Variants in FGD4 observed in about 807,000 individuals in gnomAD.
FGD4 encodes the protein FYVE, RhoGEF and PH domain containing 4, also known as FYVE, RhoGEF and PH domain-containing protein 4.
In FGD4, 42 loss-of-function variants were observed where a neutral mutation model predicts 102.0. The observed-to-expected ratio is 0.41, with a 90% CI of 0.32 to 0.53. The LOEUF (loss-of-function observed/expected upper bound fraction) is 0.53, where lower values mean the gene tolerates loss of function less well. FGD4 is among the 20% of genes least tolerant of loss of function. FGD4 has a pLI of 0.21. For synonymous variants in FGD4, 380 were observed against 375.7 expected (o/e 1.01, Z -0.13); for missense variants, 902 against 1,078.2 (o/e 0.84, Z 2.29).
chr12:32,535,506 C>G (rs1462334661), intron 1 of FGD4, among the ~76,000 whole-genome samples: 15 of 152,148 alleles, frequency 9.9e-5, no homozygotes, highest in Admixed American at 2.6e-4. Context: ...CAGCCCAGTC[C>G]ATGCCTGCCC....
At position 32,544,379 on chromosome 12, in the gene FGD4, G is replaced by A. The variant is rs1592165901; in HGVS notation, c.167-19758G>A. ...TGGGAGGGAGAGGTTGCAGTGAGCC[G>A]AGATGGTGCCACTGCACTCCAGCCT... On this transcript the variant is annotated intron_variant, in intron 1 of 16. Transcript: ENST00000534526. This position sits in a 1 kb window ranked among gnomAD's most constrained non-coding sequence, Gnocchi z 4.1. Among the ~76,000 whole-genome samples, 2 of 152,188 alleles carry A rather than the reference G, an allele frequency of 1.3e-5. No individual in the cohort carries two copies. The highest frequency in any genetic ancestry group is 1.9e-4 in the East Asian group (1 of 5,162).
chr12:32,472,300 C>T (rs1007496410), intron 1 of FGD4, among the ~76,000 whole-genome samples: 2 of 152,210 alleles, frequency 1.3e-5, no homozygotes, highest in Admixed American at 6.5e-5. Flanking sequence ...GGGAGAGGCA[C>T]GAGCGGGAAC....
rs1250244700 is a variant in FGD4, at chr12:32,544,593, C to T, written c.167-19544C>T. Among the ~76,000 whole-genome samples, 1 of 151,886 alleles carries T rather than the reference C, an allele frequency of 6.6e-6. No homozygotes were observed. The highest frequency in any genetic ancestry group is 2.4e-5 in the African/African-American group (1 of 41,332). ...CAAAAAAATACAAAAATGAGCCGGG[C>T]GTGGTGGCTCACACCTGTGGTTCCA... On this transcript the variant is annotated intron_variant, in intron 1 of 16. Coordinates refer to ENST00000534526, the MANE Select transcript of FGD4 (RefSeq NM_001370298.3). The surrounding 1 kb of genome is among the most constrained non-coding windows in gnomAD (Gnocchi z 4.1).
rs575185656 is a variant in FGD4, at chr12:32,435,708, A to T, written c.166+35749A>T. Among the ~76,000 whole-genome samples the T allele has an allele frequency of 2.0e-5, 3 of 152,280 alleles. No individual in the cohort carries two copies. The South Asian group carries it at 6.2e-4, about 32-fold the overall frequency. On this transcript the variant is annotated intron_variant, in intron 1 of 16. Coordinates refer to ENST00000534526, the MANE Select transcript of FGD4 (RefSeq NM_001370298.3). ...TAAATACTGCAACCTCTGAATTGCC[A>T]ATTTTTACATGGTATTTCTGGCAGT...
chr12:32,562,892 C>T (rs61926165), intron 1 of FGD4, among the ~76,000 whole-genome samples: 70 of 150,856 alleles, frequency 4.6e-4, no homozygotes, highest in Non-Finnish European at 8.2e-4. Context: ...ACAAAACCGC[C>T]ATTGTCATCC....
At chr12:32,567,734 C>G (rs1216916093) in intron 2 of FGD4, among the ~76,000 whole-genome samples, 1 of 142,482 alleles carries the variant, frequency 7.0e-6, no homozygotes, top group African/African-American at 2.6e-5. Context: ...GTCACCCAGG[C>G]TGGAGTGCAG....
chr12:32,563,486 G>A (rs954810018), intron 1 of FGD4, among the ~76,000 whole-genome samples: 23 of 150,838 alleles, frequency 1.5e-4, no homozygotes, highest in African/African-American at 5.1e-4. Flanking sequence ...ATGAGATGGC[G>A]GCCAGGCAGA....
rs1425902967 is a variant in FGD4, at chr12:32,644,000, G to A, written c.*3467G>A. 4 of 152,104 alleles carry A rather than the reference G, an allele frequency of 2.6e-5. No individual in the cohort carries two copies. The highest frequency in any genetic ancestry group is 1.9e-4 in the East Asian group (1 of 5,194). 9.4% of individuals were successfully genotyped at this position (152,104 alleles called of 1,614,324 possible). On this transcript the variant is annotated 3_prime_UTR_variant, in exon 17 of 17. Coordinates refer to ENST00000534526, the MANE Select transcript of FGD4 (RefSeq NM_001370298.3). ...GCAAGTAAACTTCTAGGGAACAAGC[G>A]TCTTGGGTTTTATAGGTATCTTTGC...
chr12:32,579,222 T>A (rs569541164), intron 3 of FGD4, among the ~76,000 whole-genome samples: 16 of 152,092 alleles, frequency 1.1e-4, no homozygotes, highest in Admixed American at 7.2e-4. Context: ...TAATTTTGTA[T>A]TTTTAGTAGA....
chr12:32,487,426 T>C (rs965706063), intron 1 of FGD4, among the ~76,000 whole-genome samples: 19 of 152,028 alleles, frequency 1.2e-4, no homozygotes, highest in Non-Finnish European at 2.9e-5. Context: ...TATTATTTGT[T>C]ATTATTATTA....
At chr12:32,411,493 C>T (rs1173868545) in intron 1 of FGD4, among the ~76,000 whole-genome samples, 2 of 151,854 alleles carry the variant, frequency 1.3e-5, no homozygotes, top group African/African-American at 4.8e-5. Flanking sequence ...GAGATCGCGC[C>T]GCCACACTCC....
chr12:32,432,678 G>C (rs79458583), intron 1 of FGD4, among the ~76,000 whole-genome samples: 9,352 of 151,858 alleles, frequency 0.062, 393 homozygotes, highest in South Asian at 0.13. Flanking sequence ...TACAGAGAAG[G>C]GTTCTTCATC....
rs1950062958 is a variant in FGD4, at chr12:32,625,002, T to C, written c.1980T>C (p.Phe660=). 1 of 1,613,486 alleles carries C rather than the reference T, an allele frequency of 6.2e-7. No individual in the cohort carries two copies. The highest frequency in any genetic ancestry group is 8.5e-7 in the Non-Finnish European group (1 of 1,179,612). ...IKALQETIDA[F]HQRHETFRNA... ...CCCTTCAAGAAACCATCGATGCTTT[T>C]CATCAAAGGCATGAAACCTTCAGAA... The change falls in exon 13 of 17, where the codon TTT becomes TTC. Residue 660 remains phenylalanine, a synonymous_variant. Transcript: ENST00000534526.
At chr12:32,416,789 A>G (rs1364153865) in intron 1 of FGD4, among the ~76,000 whole-genome samples, 1 of 152,132 alleles carries the variant, frequency 6.6e-6, no homozygotes, top group East Asian at 1.9e-4. Flanking sequence ...AGTATTTCAC[A>G]CACCAAAAAT....
chr12:32,520,003 T>A (rs1326840160), intron 1 of FGD4, among the ~76,000 whole-genome samples: 1 of 152,144 alleles, frequency 6.6e-6, no homozygotes, highest in African/African-American at 2.4e-5. Context: ...AGAGTAAGTT[T>A]TGAAAAATAA....
chr12:32,547,051 T>C (rs1943278703), intron 1 of FGD4, among the ~76,000 whole-genome samples: 1 of 152,204 alleles, frequency 6.6e-6, no homozygotes, highest in Non-Finnish European at 1.5e-5. Context: ...ATAGCTGCAG[T>C]GACTTGTGTA....
At chr12:32,638,090 A>G (rs1950954727) in intron 15 of FGD4, among the ~76,000 whole-genome samples, 2 of 152,170 alleles carry the variant, frequency 1.3e-5, no homozygotes, top group Non-Finnish European at 2.9e-5. Flanking sequence ...TTCTGGGCAC[A>G]GTGACTCACC....
At chr12:32,564,401 G>T (rs944993232) in intron 2 of FGD4, 112 bp downstream of exon 2, 6 of 1,275,040 alleles carry the variant, frequency 4.7e-6, no homozygotes, top group African/African-American at 1.5e-5. Flanking sequence ...GAAGGAATTG[G>T]GTACATTATT....
rs1940575560 is a variant in FGD4 at position 32,399,903 on chromosome 12, A to T, written c.110A>T (p.His37Leu). Reference protein sequence around the residue: ...VPRPWSRPASHLGRVGTAAFK... With the variant: ...VPRPWSRPASLLGRVGTAAFK... ...CGGCCCTGGAGCAGGCCCGCGTCGCACCTGGGACGTGTAGGGACCGCTGCC... is the reference window on the plus strand; with the variant it reads ...CGGCCCTGGAGCAGGCCCGCGTCGCTCCTGGGACGTGTAGGGACCGCTGCC... Residue 37 changes from histidine to leucine, a missense_variant, in exon 1 of 17, where the codon CAC becomes CTC. His to Leu is a moderately conservative substitution (Grantham distance 99, BLOSUM62 -3). Around this residue, in one of 2 missense-constraint regions of FGD4, gnomAD observed 443 missense variants for 459.2 expected, o/e 0.96. Coordinates refer to ENST00000534526, the MANE Select transcript of FGD4 (RefSeq NM_001370298.3). 6.5e-7 allele frequency: 1 copy of T among 1,527,548 alleles called. No individual in the cohort carries two copies. The allele number at this position is 1,527,548 out of a possible 1,614,324, so 94.6% of individuals were successfully genotyped here. A position where few individuals can be genotyped will look rare whatever the true frequency, so the allele number is the denominator to read the frequency against.
Sources: gnomAD v4.1 joint callset for allele counts (sites outside exome capture counted in the v4.1 genomes callset) on GRCh38, gnomAD v4.1.1 for gene constraint, gnomAD v4.1.1 regional missense constraint, Gnocchi (gnomAD v3.1) non-coding constraint, MANE v1.5 for transcripts, NCBI Gene and HGNC (gene_info 2026-07-23, HGNC 2026-07-21) for gene names.